Variants in AKAP6 observed in about 807,000 individuals in gnomAD.
The protein encoded by AKAP6 is A-kinase anchor protein 6.
In AKAP6, 58 loss-of-function variants were observed where a neutral mutation model predicts 188.5. That is an observed-to-expected ratio of 0.31 (90% CI 0.25 to 0.38). The LOEUF (loss-of-function observed/expected upper bound fraction) is 0.38. Among genes scored for constraint, AKAP6 ranks in the 10% least tolerant of loss-of-function variants. AKAP6 has a pLI of 1.00. For missense variants in AKAP6, 2,710 were observed against 2,740.0 expected, an observed-to-expected ratio of 0.99 and a Z score of 0.24; for synonymous variants, 989 against 998.6, an observed-to-expected ratio of 0.99 and a Z score of 0.18.
chr14:32,361,053 C>CATATATATATAT (rs201231103), intron 1 of AKAP6, among the ~76,000 whole-genome samples: 1,612 of 111,870 alleles, frequency 0.014, 87 homozygotes, highest in African/African-American at 0.058. Flanking sequence ...AAGGCCTGAA[C>CATATATATATAT]ATACATATAT....
chr14:32,466,739 CAAAA>C (rs71432057), intron 2 of AKAP6, among the ~76,000 whole-genome samples: 3 of 106,160 alleles, frequency 2.8e-5, no homozygotes, highest in South Asian at 6.7e-4. Context: ...ACTTAAAGTT[CAAAA>C]AAAAAAAAAA....
At chr14:32,374,838 C>T (rs182295583) in intron 1 of AKAP6, among the ~76,000 whole-genome samples, 10 of 152,218 alleles carry the variant, frequency 6.6e-5, no homozygotes, top group East Asian at 3.9e-4. Context: ...ACAGATTGTA[C>T]GTTTCAGTAC....
At chr14:32,800,988 G>C (rs944414299) in intron 12 of AKAP6, among the ~76,000 whole-genome samples, 2 of 152,174 alleles carry the variant, frequency 1.3e-5, no homozygotes, top group Admixed American at 6.6e-5. Context: ...CTACGTGCCA[G>C]CCTGGGCAAC....
chr14:32,525,586 T>C (rs1378731885), intron 2 of AKAP6, among the ~76,000 whole-genome samples: 1 of 152,204 alleles, frequency 6.6e-6, no homozygotes, highest in Non-Finnish European at 1.5e-5. Flanking sequence ...GACCCTCTCC[T>C]AATCAAAGCA....
At chr14:32,585,804 G>A (rs1465664012) in intron 5 of AKAP6, among the ~76,000 whole-genome samples, 2 of 152,134 alleles carry the variant, frequency 1.3e-5, no homozygotes, top group African/African-American at 4.8e-5. Flanking sequence ...ATGTAATTTT[G>A]TTAGGGAAGG....
chr14:32,421,199 G>C (rs528804445), intron 1 of AKAP6, among the ~76,000 whole-genome samples: 26 of 152,086 alleles, frequency 1.7e-4, no homozygotes, highest in African/African-American at 6.3e-4. Context: ...TATTTTTAGT[G>C]CACTAGGCAG....
rs1393568240 is a variant in AKAP6 at position 32,836,084 on chromosome 14, C to G, written c.*6279C>G. 6.6e-6 allele frequency: 1 copy of G among 152,232 alleles called. No homozygotes were observed. Among genetic ancestry groups the G allele is most frequent in the African/African-American group, 2.4e-5 (1 of 41,456 alleles). 9.4% of individuals were successfully genotyped at this position (152,232 alleles called of 1,614,324 possible). The stretch of plus-strand genomic sequence containing the variant: ...TTTGTCCTTGCATTTTGAAGTAAAT[C>G]ATTGCCTGCATAAAGCAACTCTTTT... On this transcript the variant is annotated 3_prime_UTR_variant, in exon 14 of 14. Coordinates refer to ENST00000280979, the MANE Select transcript of AKAP6 (RefSeq NM_004274.5).
intron 2 of AKAP6, among the ~76,000 whole-genome samples, chr14:32,524,613 C>T (rs764874468): frequency 1.5e-4 from 23 of 152,152 alleles, no homozygotes; most frequent in Admixed American, 5.2e-4. Context: ...GAGATTATTA[C>T]AACACTATCA....
At chr14:32,581,289 T>A (rs1361302716) in intron 5 of AKAP6, among the ~76,000 whole-genome samples, 1 of 152,184 alleles carries the variant, frequency 6.6e-6, no homozygotes, top group Non-Finnish European at 1.5e-5. Flanking sequence ...TCAGTTTCCA[T>A]GTAGTTGAGC....
chr14:32,619,453 G>A (rs1886724113), intron 7 of AKAP6, among the ~76,000 whole-genome samples: 1 of 152,040 alleles, frequency 6.6e-6, no homozygotes, highest in Non-Finnish European at 1.5e-5. Context: ...TTATGTTTTT[G>A]AATGCTTTGT....
At chr14:32,637,929 G>A (rs1704585702) in intron 7 of AKAP6, among the ~76,000 whole-genome samples, 1 of 152,100 alleles carries the variant, frequency 6.6e-6, no homozygotes, top group Non-Finnish European at 1.5e-5. Context: ...GGAGTGGGTG[G>A]AGGAGGGAGA....
chr14:32,787,706 A>C (rs145105183), intron 12 of AKAP6, among the ~76,000 whole-genome samples: 10 of 152,218 alleles, frequency 6.6e-5, no homozygotes, highest in Non-Finnish European at 1.2e-4. Flanking sequence ...GCTGTTAAAA[A>C]AAGTCTTTAT....
chr14:32,774,758 A>G (rs562793653), intron 12 of AKAP6, among the ~76,000 whole-genome samples: 4 of 152,318 alleles, frequency 2.6e-5, no homozygotes, highest in Admixed American at 2.6e-4. Flanking sequence ...ACATACATAC[A>G]TACATACATA....
At chr14:32,665,218 G>A (rs1888874839) in intron 7 of AKAP6, among the ~76,000 whole-genome samples, 3 of 151,982 alleles carry the variant, frequency 2.0e-5, no homozygotes, top group Admixed American at 2.0e-4. Flanking sequence ...ATATCCCACA[G>A]ATTGATGGCT....
At chr14:32,424,348 A>T (rs1347256713) in intron 1 of AKAP6, among the ~76,000 whole-genome samples, 2 of 150,578 alleles carry the variant, frequency 1.3e-5, no homozygotes, top group Non-Finnish European at 3.0e-5. Flanking sequence ...GTTCCCTTCA[A>T]CACTCAATTA....
Position 32,664,880 on chromosome 14 carries a change from G to A in AKAP6, c.2731-13431G>A, listed in dbSNP as rs928547565. Among the ~76,000 whole-genome samples, 10 of 152,156 alleles carry A rather than the reference G, an allele frequency of 6.6e-5. No homozygotes were observed. In the South Asian group the frequency reaches 2.1e-3, roughly 32 times the overall value. On this transcript the variant is annotated intron_variant, in intron 7 of 13. Transcript: ENST00000280979. ...AGAGGTAAACACTCAAGACTTGGAGGTACTTTTTCATGCTCTACTCACCCC... is the reference window on the plus strand; with the variant it reads ...AGAGGTAAACACTCAAGACTTGGAGATACTTTTTCATGCTCTACTCACCCC...
intron 7 of AKAP6, among the ~76,000 whole-genome samples, chr14:32,651,746 T>C (rs922930103): frequency 2.5e-4 from 38 of 152,296 alleles, no homozygotes; most frequent in African/African-American, 7.7e-4. Flanking sequence ...TACTGTTGCA[T>C]TGGGGAGTAA....
At chr14:32,520,110 T>G (rs1025450755) in intron 2 of AKAP6, among the ~76,000 whole-genome samples, 5 of 152,044 alleles carry the variant, frequency 3.3e-5, no homozygotes, top group Admixed American at 6.6e-5. Flanking sequence ...GGTACATAAC[T>G]AAATGAAGGC....
chr14:32,352,731 C>T (rs1230919649), intron 1 of AKAP6, among the ~76,000 whole-genome samples: 1 of 152,222 alleles, frequency 6.6e-6, no homozygotes, highest in East Asian at 1.9e-4. Context: ...CTGCAAATGA[C>T]AAGATTTCAT....
Sources: allele counts gnomAD v4.1 joint callset (sites outside exome capture counted in the v4.1 genomes callset), GRCh38; gene constraint gnomAD v4.1.1; transcripts MANE v1.5; gene names NCBI Gene and HGNC (gene_info 2026-07-23, HGNC 2026-07-21).